SH3GL3: variants seen among roughly 807,000 people sequenced by gnomAD.
SH3GL3 encodes SH3 domain containing GRB2 like 3, endophilin A3.
SH3GL3 carries 33 observed loss-of-function variants against 47.7 expected under a neutral mutation model. That is an observed-to-expected ratio of 0.69 (90% CI 0.52 to 0.92). SH3GL3 has a LOEUF of 0.92. Among genes scored for constraint, SH3GL3 ranks in the 40% least tolerant of loss-of-function variants. SH3GL3 has a pLI of 0.00. For synonymous variants in SH3GL3, 155 were observed against 148.8 expected (o/e 1.04, Z -0.30); for missense variants, 363 against 417.8 (o/e 0.87, Z 1.14).
chr15:83,570,159 A>G (rs2045744473), intron 4 of SH3GL3, among the ~76,000 whole-genome samples: 1 of 152,092 alleles, frequency 6.6e-6, no homozygotes, highest in African/African-American at 2.4e-5. Context: ...TTGCCTTTAA[A>G]TTTCCAAGCT....
intron 8 of SH3GL3, among the ~76,000 whole-genome samples, chr15:83,610,796 T>C (rs2060639752): frequency 6.6e-6 from 1 of 152,096 alleles, no homozygotes; most frequent in African/African-American, 2.4e-5. Context: ...CTAATATCTC[T>C]GAGACACTTA....
chr15:83,548,871 T>C (rs1213331002), intron 1 of SH3GL3, among the ~76,000 whole-genome samples: 3 of 152,180 alleles, frequency 2.0e-5, no homozygotes, highest in Non-Finnish European at 2.9e-5. Context: ...ATATTGTTTC[T>C]TTTCATTTCT....
downstream of SH3GL3, among the ~76,000 whole-genome samples, chr15:83,620,972 TTA>T (rs1350447004): frequency 6.6e-6 from 1 of 152,166 alleles, no homozygotes; most frequent in East Asian, 1.9e-4. Context: ...CCTTGCACAT[TTA>T]TGTTATGGAG....
At chr15:83,473,766 CT>C (rs1186504713) in intron 1 of SH3GL3, among the ~76,000 whole-genome samples, 1 of 151,592 alleles carries the variant, frequency 6.6e-6, no homozygotes, top group African/African-American at 2.4e-5. Flanking sequence ...CCAGGATGGT[CT>C]CGATCTCCTG....
intron 8 of SH3GL3, among the ~76,000 whole-genome samples, chr15:83,595,534 A>G (rs2060215336): frequency 6.6e-6 from 1 of 151,280 alleles, no homozygotes. Flanking sequence ...AATATGCCCT[A>G]TCAACAAGAT....
chr15:83,617,120 C>T (rs1017282635), intron 8 of SH3GL3, among the ~76,000 whole-genome samples: 1 of 152,132 alleles, frequency 6.6e-6, no homozygotes, highest in Non-Finnish European at 1.5e-5. Context: ...ACTTTGCATA[C>T]ATGTATTTTT....
chr15:83,628,614 G>T, the SH3GL3 span, among the ~76,000 whole-genome samples: 1 of 151,916 alleles, frequency 6.6e-6, no homozygotes. Context: ...GTGGTGGCAG[G>T]TGCCTGTAAT....
At chr15:83,570,859 A>G (rs892994688) in intron 4 of SH3GL3, among the ~76,000 whole-genome samples, 3 of 152,190 alleles carry the variant, frequency 2.0e-5, no homozygotes, top group African/African-American at 7.2e-5. Context: ...CCTATTTCTT[A>G]CTCTGAAGGC....
chr15:83,523,962 A>G (rs987480485), intron 1 of SH3GL3, among the ~76,000 whole-genome samples: 1 of 152,078 alleles, frequency 6.6e-6, no homozygotes, highest in Non-Finnish European at 1.5e-5. Context: ...AAAAAAAAAA[A>G]AAAAACAGAC....
intron 1 of SH3GL3, among the ~76,000 whole-genome samples, chr15:83,519,353 G>GT (rs1046196744): frequency 1.1e-4 from 16 of 152,154 alleles, no homozygotes. Flanking sequence ...TTTCAGCAGC[G>GT]TTTTGTACTT....
chr15:83,505,249 G>A (rs996312735), intron 1 of SH3GL3, among the ~76,000 whole-genome samples: 1 of 152,040 alleles, frequency 6.6e-6, no homozygotes, highest in African/African-American at 2.4e-5. Context: ...TAGTGCACTC[G>A]CTGGCTAAAG....
At chr15:83,564,074 A>G (rs998267647) in intron 2 of SH3GL3, among the ~76,000 whole-genome samples, 1 of 152,182 alleles carries the variant, frequency 6.6e-6, no homozygotes, top group Admixed American at 6.5e-5. Flanking sequence ...TTTATTTATG[A>G]CATTTGAATT....
intron 8 of SH3GL3, among the ~76,000 whole-genome samples, chr15:83,592,124 T>C (rs1356580600): frequency 6.6e-6 from 1 of 152,246 alleles, no homozygotes; most frequent in Non-Finnish European, 1.5e-5. Context: ...AACTTCATGG[T>C]GCTTGTTTTT....
downstream of SH3GL3, among the ~76,000 whole-genome samples, chr15:83,619,055 G>A (rs543570084): frequency 9.2e-5 from 14 of 152,328 alleles, no homozygotes; most frequent in Admixed American, 2.6e-4. Context: ...GTGGTCAAGA[G>A]TTGATTGAGT....
At chr15:83,502,288 A>G (rs1006145058) in intron 1 of SH3GL3, among the ~76,000 whole-genome samples, 7 of 152,240 alleles carry the variant, frequency 4.6e-5, no homozygotes, top group Admixed American at 1.3e-4. Context: ...GGTGATCACC[A>G]TCAGCAGCAC....
At position 83,591,803 on chromosome 15, in the gene SH3GL3, G is replaced by A. The variant is rs534873140; in HGVS notation, c.838+3032G>A. Among the ~76,000 whole-genome samples, 18 of 151,796 alleles carry A rather than the reference G, an allele frequency of 1.2e-4. No individual in the cohort carries two copies. In the South Asian group the frequency reaches 1.9e-3, roughly 16 times the overall value. On this transcript the variant is annotated intron_variant, in intron 8 of 8. Coordinates refer to ENST00000427482, the MANE Select transcript of SH3GL3 (RefSeq NM_003027.5). ...TGGGTTCAGGCCATTCTCCTGCCTC[G>A]GCCCCCCGAGTAGCTGAGACTACAG...
chr15:83,451,070 C>A (rs1000649716), intron 1 of SH3GL3, among the ~76,000 whole-genome samples: 1 of 106,934 alleles, frequency 9.4e-6, no homozygotes, highest in African/African-American at 3.5e-5. Context: ...GTTTTTTGTT[C>A]TTGCGATAGT....
chr15:83,571,948 T>C (rs1411702301), intron 4 of SH3GL3, among the ~76,000 whole-genome samples: 1 of 152,088 alleles, frequency 6.6e-6, no homozygotes, highest in Non-Finnish European at 1.5e-5. Context: ...TACCTGCCAC[T>C]ACCCGAGCCA....
chr15:83,590,157 T>G (rs1292583324), intron 8 of SH3GL3, among the ~76,000 whole-genome samples: 2 of 152,204 alleles, frequency 1.3e-5, no homozygotes, highest in African/African-American at 2.4e-5. Context: ...TCTTTCCATA[T>G]GAGGATATTA....
Sources: allele counts gnomAD v4.1 joint callset (sites outside exome capture counted in the v4.1 genomes callset), GRCh38; gene constraint gnomAD v4.1.1; transcripts MANE v1.5; gene names NCBI Gene and HGNC (gene_info 2026-07-23, HGNC 2026-07-21).